CARS2: variants seen among roughly 807,000 people sequenced by gnomAD.
The protein encoded by CARS2 is cysteinyl-tRNA synthetase 2, mitochondrial.
A neutral mutation model predicts 68.8 loss-of-function variants in CARS2; 52 were observed. The ratio of observed to expected loss-of-function variants is 0.76; its 90% CI spans 0.61 to 0.95. The LOEUF is 0.95. Ranked by LOEUF, CARS2 falls within the 40% of genes least tolerant of loss-of-function variation. CARS2 has a pLI of 0.00. For synonymous variants in CARS2, 314 were observed against 303.6 expected (o/e 1.03, Z -0.36); for missense variants, 780 against 754.2 (o/e 1.03, Z -0.40).
intron 2 of CARS2, among the ~76,000 whole-genome samples, chr13:110,704,629 C>G (rs1008006519): frequency 6.6e-6 from 1 of 152,048 alleles, no homozygotes; most frequent in African/African-American, 2.4e-5. Flanking sequence ...GAGGCTGAGG[C>G]AGGAGAATTG....
chr13:110,653,101 T>C lies in CARS2; in HGVS notation c.988-2001A>G, dbSNP rs1052775554. Among the ~76,000 whole-genome samples, 1 of 151,732 alleles carries C rather than the reference T, an allele frequency of 6.6e-6. No homozygotes were observed. The highest frequency in any genetic ancestry group is 2.4e-5 in the African/African-American group (1 of 41,224). On this transcript the variant is annotated intron_variant, in intron 9 of 14. Transcript: ENST00000257347. This position sits in a 1 kb window ranked among gnomAD's most constrained non-coding sequence, Gnocchi z 5.6. Reference sequence around the variant, plus strand: ...ATCATCAACGGCCTTTGGGATCCTATGTATTTTATTTTACGTATTTAAAGC... The same window carrying C: ...ATCATCAACGGCCTTTGGGATCCTACGTATTTTATTTTACGTATTTAAAGC...
At chr13:110,677,638 C>T (rs867825476) in intron 6 of CARS2, among the ~76,000 whole-genome samples, 28 of 20,692 alleles carry the variant, frequency 1.4e-3, no homozygotes, top group African/African-American at 3.4e-3. Flanking sequence ...ACCACAGAAA[C>T]TCAGTCACCC....
chr13:110,646,876 G>A, intron 11 of CARS2: 1 of 503,932 alleles, frequency 2.0e-6, no homozygotes. Flanking sequence ...CACACCTCCT[G>A]TCCAGCTCCC....
Position 110,665,574 on chromosome 13 carries a change from C to T in CARS2, c.919+1766G>A. On this transcript the variant is annotated intron_variant, in intron 8 of 14. Coordinates refer to ENST00000257347, the MANE Select transcript of CARS2 (RefSeq NM_024537.4). The surrounding 1 kb of genome is among the most constrained non-coding windows in gnomAD (Gnocchi z 4.3). ...ACAGCTAAGGCTGCCCTTCTTGCCC[C>T]CCAGCTCCACACTCGCAGAAGGGCT... 1 of 985,508 alleles carries T rather than the reference C, an allele frequency of 1.0e-6. No homozygotes were observed. Among genetic ancestry groups the T allele is most frequent in the South Asian group, 4.7e-5 (1 of 21,292 alleles). 61.0% of individuals were successfully genotyped at this position (985,508 alleles called of 1,614,324 possible).
Position 110,688,047 on chromosome 13 carries a change from T to A in CARS2, c.394-29A>T, listed in dbSNP as rs372947439. On this transcript the variant is annotated intron_variant, in intron 3 of 14. Coordinates refer to ENST00000257347, the MANE Select transcript of CARS2 (RefSeq NM_024537.4). ...CAGAAGGATTAGATGTGCACGTTAA[T>A]GAGTCTGGGGCATTCGCAACAGAAC... 3.3e-6 allele frequency: 5 copies of A among 1,527,174 alleles called. No individual in the cohort carries two copies. The African/African-American group carries it at 6.8e-5, about 21-fold the overall frequency. 94.6% of individuals were successfully genotyped at this position (1,527,174 alleles called of 1,614,324 possible). A position where few individuals can be genotyped will look rare whatever the true frequency, so the allele number is the denominator to read the frequency against.
intron 3 of CARS2, among the ~76,000 whole-genome samples, chr13:110,688,403 C>A (rs544678406): frequency 1.2e-4 from 18 of 152,114 alleles, no homozygotes; most frequent in Non-Finnish European, 5.9e-5. Flanking sequence ...CAGCCATGAT[C>A]GTGCCACTGC....
rs72663414 is a variant in CARS2, at chr13:110,712,824, C to G, written n.399+313G>C. The G allele has an allele frequency of 8.4e-3, 7,466 of 887,932 alleles. 28 individuals carry two copies. Among genetic ancestry groups the G allele is most frequent in the Non-Finnish European group, 0.012 (6,430 of 553,988 alleles). 55.0% of individuals were successfully genotyped at this position (887,932 alleles called of 1,614,324 possible). ...GGGCCTATCCACCTCTTCTGGGGCTCGGCACTAGGAAGCAGCTTCCCTCTC... is the reference window on the plus strand; with the variant it reads ...GGGCCTATCCACCTCTTCTGGGGCTGGGCACTAGGAAGCAGCTTCCCTCTC... On this transcript the variant is annotated intron_variant and non_coding_transcript_variant, in intron 1 of 2. Transcript: ENST00000485188.
chr13:110,693,034 C>T (rs559805256), intron 3 of CARS2, among the ~76,000 whole-genome samples: 2 of 136,716 alleles, frequency 1.5e-5, no homozygotes, highest in Admixed American at 8.0e-5. Flanking sequence ...CGCTTGAACT[C>T]GGGAGGCGGA....
chr13:110,690,342 G>A (rs2063421927), intron 3 of CARS2, among the ~76,000 whole-genome samples: 1 of 152,180 alleles, frequency 6.6e-6, no homozygotes, highest in Non-Finnish European at 1.5e-5. Context: ...CCCAGACTTG[G>A]CTTTCCTCCC....
rs575614509 is a variant in CARS2 at position 110,692,403 on chromosome 13, G to A, written c.394-4385C>T. ...GGAGAATCGCCTGAACCCGGGAGGC[G>A]GAGGTTGCGGTGAGCTGAGATTGTG... On this transcript the variant is annotated intron_variant, in intron 3 of 14. Transcript: ENST00000257347. Among the ~76,000 whole-genome samples, 7 of 151,828 alleles carry A rather than the reference G, an allele frequency of 4.6e-5. No homozygotes were observed. In the South Asian group the frequency reaches 6.2e-4, roughly 14 times the overall value.
At chr13:110,652,123 G>A (rs576221302) in intron 9 of CARS2, among the ~76,000 whole-genome samples, 6 of 152,398 alleles carry the variant, frequency 3.9e-5, no homozygotes, top group African/African-American at 1.4e-4. Flanking sequence ...AGCTGTCGCT[G>A]ACCTTGCTGG....
intron 3 of CARS2, chr13:110,698,117 T>C (rs1042319730): frequency 2.9e-5 from 11 of 381,898 alleles, no homozygotes; most frequent in Admixed American, 1.5e-4. Context: ...GGAAGATGCA[T>C]GGGTGTGACG....
chr13:110,664,557 G>A (rs1040706106), intron 8 of CARS2: 2 of 939,540 alleles, frequency 2.1e-6, no homozygotes, highest in Non-Finnish European at 2.5e-6. Context: ...CAACCAATTA[G>A]AATGTGATTT....
chr13:110,705,420 G>T lies in CARS2; in HGVS notation c.275+101C>A. The T allele has an allele frequency of 1.3e-6, 1 of 764,198 alleles. No homozygotes were observed. The allele number at this position is 764,198 out of a possible 1,614,324, so 47.3% of individuals were successfully genotyped here. A position where few individuals can be genotyped will look rare whatever the true frequency, so the allele number is the denominator to read the frequency against. On this transcript the variant is annotated intron_variant, in intron 2 of 14. Transcript: ENST00000257347. The surrounding 1 kb of genome is among the most constrained non-coding windows in gnomAD (Gnocchi z 4.0). ...ATGCCTGGAATGTAGGAATTATTCTGCATCCCTAAGTTGCCACTTAAGAGA... is the reference window on the plus strand; with the variant it reads ...ATGCCTGGAATGTAGGAATTATTCTTCATCCCTAAGTTGCCACTTAAGAGA...
chr13:110,710,296 C>G (rs956987422), upstream of CARS2, among the ~76,000 whole-genome samples: 1 of 152,064 alleles, frequency 6.6e-6, no homozygotes, highest in South Asian at 2.1e-4. Context: ...GCAGGAGAAT[C>G]GCTTGAACCC....
At chr13:110,663,959 G>A in intron 8 of CARS2, 6 of 991,044 alleles carry the variant, frequency 6.1e-6, no homozygotes, top group Non-Finnish European at 7.2e-6. Context: ...AAACAGAGTG[G>A]CACTTGTGGG....
rs546917197 is a variant in CARS2, at chr13:110,705,024, G to A, written c.275+497C>T. On this transcript the variant is annotated intron_variant, in intron 2 of 14. Transcript: ENST00000257347. The surrounding 1 kb of genome is among the most constrained non-coding windows in gnomAD (Gnocchi z 4.0). The stretch of plus-strand genomic sequence containing the variant: ...TTAGGAAAGTTACTCAATCACTATT[G>A]AGCCCCGTGACATCTCACATGTGAG... Among the ~76,000 whole-genome samples, 6 of 152,218 alleles carry A rather than the reference G, an allele frequency of 3.9e-5. No individual in the cohort carries two copies. In the South Asian group the frequency reaches 1.2e-3, roughly 32 times the overall value.
intron 8 of CARS2, 85 bp from the exon 9 acceptor site, chr13:110,663,603 T>C: frequency 6.4e-7 from 1 of 1,564,544 alleles, no homozygotes; most frequent in Non-Finnish European, 8.6e-7. Context: ...AGGAAACGAA[T>C]GGGAACCTGC....
At chr13:110,688,283 A>G (rs2063363231) in intron 3 of CARS2, among the ~76,000 whole-genome samples, 1 of 152,178 alleles carries the variant, frequency 6.6e-6, no homozygotes, top group African/African-American at 2.4e-5. Context: ...AATTTCCATT[A>G]TATAGTAAAA....
Sources: gnomAD v4.1 joint callset for allele counts (sites outside exome capture counted in the v4.1 genomes callset) on GRCh38, gnomAD v4.1.1 for gene constraint, Gnocchi (gnomAD v3.1) non-coding constraint, MANE v1.5 for transcripts, NCBI Gene and HGNC (gene_info 2026-07-23, HGNC 2026-07-21) for gene names.